The following CCDC85A variants were observed in gnomAD, a reference collection of about 807,000 sequenced individuals.
CCDC85A encodes coiled-coil domain-containing protein 85A.
Under a neutral mutation model 50.2 loss-of-function variants are expected in CCDC85A, and 38 were observed. The ratio of observed to expected loss-of-function variants is 0.76; its 90% CI spans 0.58 to 0.99. CCDC85A has a LOEUF of 0.99. Among genes scored for constraint, CCDC85A ranks in the 50% least tolerant of loss-of-function variants. CCDC85A has a pLI of 0.00. For missense variants in CCDC85A, 820 were observed against 742.0 expected, an observed-to-expected ratio of 1.11 and a Z score of -1.22; for synonymous variants, 366 against 301.4, an observed-to-expected ratio of 1.21 and a Z score of -2.22.
intron 2 of CCDC85A, among the ~76,000 whole-genome samples, chr2:56,260,973 G>A (rs1670192865): frequency 6.6e-6 from 1 of 152,162 alleles, no homozygotes; most frequent in African/African-American, 2.4e-5. Flanking sequence ...CATTACAAAA[G>A]CATCTTGTGC....
At chr2:56,233,205 C>G (rs1287866180) in intron 2 of CCDC85A, among the ~76,000 whole-genome samples, 1 of 152,160 alleles carries the variant, frequency 6.6e-6, no homozygotes, top group Non-Finnish European at 1.5e-5. Flanking sequence ...GGTTGGTGCA[C>G]ATTGATAGTA....
chr2:56,316,642 A>G (rs1280567337), intron 2 of CCDC85A, among the ~76,000 whole-genome samples: 4 of 152,110 alleles, frequency 2.6e-5, no homozygotes, highest in Admixed American at 6.6e-5. Context: ...GACAATAACT[A>G]TTGTAAGGAT....
At chr2:56,295,834 A>G (rs1471903761) in intron 2 of CCDC85A, among the ~76,000 whole-genome samples, 1 of 152,224 alleles carries the variant, frequency 6.6e-6, no homozygotes, top group Non-Finnish European at 1.5e-5. Flanking sequence ...GGCTTCAGGC[A>G]AAGGCCAGGT....
chr2:56,189,353 G>A (rs902384481), intron 1 of CCDC85A, among the ~76,000 whole-genome samples: 57 of 137,682 alleles, frequency 4.1e-4, no homozygotes, highest in African/African-American at 1.4e-3. Flanking sequence ...GTAGTGTATC[G>A]TGATCTTGGC....
intron 2 of CCDC85A, among the ~76,000 whole-genome samples, chr2:56,248,702 T>A (rs1485452605): frequency 2.0e-5 from 3 of 152,204 alleles, no homozygotes; most frequent in Non-Finnish European, 4.4e-5. Flanking sequence ...CAATAGTAAG[T>A]TCATTTTTAT....
At chr2:56,219,868 C>T (rs1427045863) in intron 2 of CCDC85A, among the ~76,000 whole-genome samples, 3 of 151,936 alleles carry the variant, frequency 2.0e-5, no homozygotes, top group Admixed American at 1.3e-4. Flanking sequence ...TAGACCTTGT[C>T]CTTGCTTTCA....
chr2:56,366,538 G>T (rs1244715123), intron 3 of CCDC85A, among the ~76,000 whole-genome samples: 4 of 152,122 alleles, frequency 2.6e-5, no homozygotes, highest in Non-Finnish European at 1.5e-5. Flanking sequence ...TTTGCTATTT[G>T]TATGTCTTCT....
At chr2:56,238,506 T>C (rs1421610321) in intron 2 of CCDC85A, among the ~76,000 whole-genome samples, 3 of 152,182 alleles carry the variant, frequency 2.0e-5, no homozygotes, top group African/African-American at 7.2e-5. Context: ...AAAAGGTTTA[T>C]TATCTATGAC....
chr2:56,334,476 A>G (rs1358007937), intron 2 of CCDC85A, among the ~76,000 whole-genome samples: 1 of 152,222 alleles, frequency 6.6e-6, no homozygotes, highest in Admixed American at 6.5e-5. Flanking sequence ...GAGAAATCAC[A>G]AGACATTCAA....
At chr2:56,284,596 C>G (rs1671347757) in intron 2 of CCDC85A, among the ~76,000 whole-genome samples, 1 of 152,268 alleles carries the variant, frequency 6.6e-6, no homozygotes, top group South Asian at 2.1e-4. Context: ...TGGTCTTGAA[C>G]TCCTGACCTT....
chr2:56,272,928 A>G (rs1670760596), intron 2 of CCDC85A, among the ~76,000 whole-genome samples: 1 of 148,396 alleles, frequency 6.7e-6, no homozygotes, highest in African/African-American at 2.5e-5. Flanking sequence ...ACAGACTAAC[A>G]TGACAAATTG....
At chr2:56,185,264 G>A (rs977563618) in intron 1 of CCDC85A, among the ~76,000 whole-genome samples, 3 of 152,222 alleles carry the variant, frequency 2.0e-5, no homozygotes, top group Admixed American at 1.3e-4. Flanking sequence ...CAGTGAGGGG[G>A]TGAATCCAGG....
chr2:56,345,981 T>C (rs1573308238), intron 3 of CCDC85A, among the ~76,000 whole-genome samples: 1 of 152,306 alleles, frequency 6.6e-6, no homozygotes, highest in East Asian at 1.9e-4. Context: ...TATTAAAGCG[T>C]GTCCATTTGT....
At chr2:56,373,814 T>C (rs1558664905) in intron 4 of CCDC85A, among the ~76,000 whole-genome samples, 1 of 151,822 alleles carries the variant, frequency 6.6e-6, no homozygotes, top group Non-Finnish European at 1.5e-5. Flanking sequence ...TTCATAAGAG[T>C]GGTACCAGGA....
rs1430666375 is a variant in CCDC85A at position 56,193,249 on chromosome 2, A to T, written c.1049A>T (p.His350Leu). Reference protein sequence around the residue: ...QKHALGGSLEHLPRARGTSPE... With the variant: ...QKHALGGSLELLPRARGTSPE... ...CACGCTCTTGGGGGGAGCCTAGAGC[A>T]TCTCCCCAGAGCCAGGGGCACCAGC... The change falls in exon 2 of 6, where the codon CAT (histidine) becomes CTT (leucine). Residue 350 changes from histidine (H) to leucine (L), a missense_variant. Transcript: ENST00000407595. 6.2e-7 allele frequency: 1 copy of T among 1,612,462 alleles called. No homozygotes were observed. Among genetic ancestry groups the T allele is most frequent in the South Asian group, 1.1e-5 (1 of 90,976 alleles).
intron 2 of CCDC85A, among the ~76,000 whole-genome samples, chr2:56,264,914 A>G (rs889623446): frequency 1.3e-5 from 2 of 152,126 alleles, no homozygotes; most frequent in African/African-American, 4.8e-5. Flanking sequence ...AGGTACTTGC[A>G]TGATTCAGGA....
intron 2 of CCDC85A, among the ~76,000 whole-genome samples, chr2:56,257,373 A>G (rs1288436304): frequency 6.6e-6 from 1 of 152,196 alleles, no homozygotes; most frequent in Non-Finnish European, 1.5e-5. Context: ...TGAACAAGAT[A>G]GTATTTGAAG....
intron 2 of CCDC85A, among the ~76,000 whole-genome samples, chr2:56,238,932 A>T (rs1056607722): frequency 6.6e-6 from 1 of 152,190 alleles, no homozygotes; most frequent in Non-Finnish European, 1.5e-5. Context: ...ATATCTCTTT[A>T]AAATTGTATG....
chr2:56,239,991 AT>A (rs1014292638), intron 2 of CCDC85A, among the ~76,000 whole-genome samples: 4 of 151,870 alleles, frequency 2.6e-5, no homozygotes, highest in Non-Finnish European at 5.9e-5. Context: ...CCAAGTTTGA[AT>A]TTTTTTTCAA....
Sources: gnomAD v4.1 joint callset for allele counts (sites outside exome capture counted in the v4.1 genomes callset) on GRCh38, gnomAD v4.1.1 for gene constraint, MANE v1.5 for transcripts, NCBI Gene and HGNC (gene_info 2026-07-23, HGNC 2026-07-21) for gene names.